The following ZNF454 variants were observed in gnomAD, a reference collection of about 807,000 sequenced individuals.
ZNF454 encodes zinc finger protein 454.
ZNF454 carries 30 observed loss-of-function variants against 48.2 expected under a neutral mutation model. The ratio of observed to expected loss-of-function variants is 0.62; its 90% CI spans 0.47 to 0.84. ZNF454 has a LOEUF of 0.84. ZNF454 is among the 40% of genes least tolerant of loss of function. The probability of loss-of-function intolerance (pLI) is 0.00; values close to 1 mark genes in which losing one functional copy is unlikely to be tolerated. For synonymous variants in ZNF454, 204 were observed against 211.4 expected, an observed-to-expected ratio of 0.97 and a Z score of 0.30; for missense variants, 510 against 623.1, an observed-to-expected ratio of 0.82 and a Z score of 1.93.
At chr5:178,986,070 T>C in the ZNF454 span, 2 of 1,515,430 alleles carry the variant, frequency 1.3e-6, no homozygotes, top group Non-Finnish European at 1.8e-6. Flanking sequence ...CCCTTTTGGC[T>C]TTGTAACGTT....
the ZNF454 span, chr5:178,987,443 C>CGGG: frequency 2.2e-6 from 1 of 457,600 alleles, no homozygotes; most frequent in Non-Finnish European, 4.4e-6. Context: ...ACGAACACGA[C>CGGG]GGGGCCATTC....
the ZNF454 span, chr5:178,981,182 TG>T: frequency 5.6e-6 from 1 of 179,796 alleles, no homozygotes; most frequent in Admixed American, 5.4e-5. This position sits in a 1 kb window ranked among gnomAD's most constrained non-coding sequence, Gnocchi z 5.1. Context: ...TCCATCCAGA[TG>T]CACAGCCCCA....
chr5:178,955,159 C>T (rs1759697930), intron 4 of ZNF454, among the ~76,000 whole-genome samples: 1 of 152,272 alleles, frequency 6.6e-6, no homozygotes, highest in Non-Finnish European at 1.5e-5. Flanking sequence ...AGCAACCATT[C>T]CATTCTGTAT....
At chr5:178,953,853 A>T (rs1759645228) in intron 4 of ZNF454, among the ~76,000 whole-genome samples, 1 of 152,084 alleles carries the variant, frequency 6.6e-6, no homozygotes, top group South Asian at 2.1e-4. Context: ...AGATTTTCTC[A>T]TTTACTCCAG....
At chr5:178,959,862 C>T (rs1488790858) in intron 4 of ZNF454, among the ~76,000 whole-genome samples, 1 of 151,800 alleles carries the variant, frequency 6.6e-6, no homozygotes, top group Non-Finnish European at 1.5e-5. Context: ...GCCTCGGCCT[C>T]CCAAAGTGCT....
chr5:178,986,249 G>A, the ZNF454 span: 1 of 1,614,196 alleles, frequency 6.2e-7, no homozygotes, highest in Non-Finnish European at 8.5e-7. Flanking sequence ...GTCTTGGTGA[G>A]CAGGGCAGAG....
chr5:178,945,413 C>T (rs1218135875), intron 2 of ZNF454, among the ~76,000 whole-genome samples: 15 of 127,274 alleles, frequency 1.2e-4, no homozygotes, highest in Non-Finnish European at 1.9e-4. Context: ...GTGAGGGGTA[C>T]GGATATGGGT....
chr5:178,985,485 C>T, the ZNF454 span: 569 of 341,502 alleles, frequency 1.7e-3, 5 homozygotes, highest in South Asian at 6.9e-3. Context: ...GGGCGGATCA[C>T]GAGGTCAGGA....
intron 4 of ZNF454, among the ~76,000 whole-genome samples, chr5:178,951,257 G>A (rs568560986): frequency 3.4e-4 from 52 of 152,046 alleles, no homozygotes; most frequent in Middle Eastern, 6.8e-3. Flanking sequence ...TTTGAATATC[G>A]TACATCATGT....
chr5:178,962,387 G>C (rs1170822997), intron 4 of ZNF454, among the ~76,000 whole-genome samples: 1 of 150,730 alleles, frequency 6.6e-6, no homozygotes, highest in African/African-American at 2.4e-5. Context: ...CCTTCTCAGA[G>C]TTCATTTTTC....
chr5:178,976,781 T>G, the ZNF454 span, among the ~76,000 whole-genome samples: 4 of 152,314 alleles, frequency 2.6e-5, no homozygotes, highest in East Asian at 1.9e-4. Flanking sequence ...ACACAGGGCA[T>G]GGGCAAGACA....
chr5:178,986,484 G>C, the ZNF454 span: 1 of 1,610,918 alleles, frequency 6.2e-7, no homozygotes, highest in Non-Finnish European at 8.5e-7. Flanking sequence ...CGGCCAGGAG[G>C]AGCGGCGGGG....
At position 178,965,676 on chromosome 5, in the gene ZNF454, A is replaced by G. The variant is rs763622884; in HGVS notation, c.1272A>G (p.Gln424=). The G allele has an allele frequency of 4.3e-6, 7 of 1,614,050 alleles. No individual in the cohort carries two copies. The East Asian group carries it at 1.3e-4, about 31-fold the overall frequency. Residue 424 remains glutamine (Q), a synonymous_variant, in exon 5 of 5, where the codon CAA becomes CAG. Coordinates refer to ENST00000519564, the MANE Select transcript of ZNF454 (RefSeq NM_001178089.3). The surrounding 1 kb of genome is among the most constrained non-coding windows in gnomAD (Gnocchi z 5.2). ...TGTGTGAGAAAGCCTTTCGGGACCA[A>G]TCAGCACTAGCCCAACATCAGAGAA... ...CGLCEKAFRD[Q]SALAQHQRIH...
intron 4 of ZNF454, among the ~76,000 whole-genome samples, chr5:178,957,659 G>T (rs1015556167): frequency 6.6e-6 from 1 of 152,072 alleles, no homozygotes; most frequent in African/African-American, 2.4e-5. Context: ...GTAGGTAGGG[G>T]TAGGTCTCCT....
In ZNF454 at chr5:178,960,025, G is replaced by A. The variant is rs557017140; in HGVS notation, c.251-4630G>A. ...GTGCAGTGGTGTGATCATTGTTCAT[G>A]GCAACCTTGAACTCCTGGGCTTATG... On this transcript the variant is annotated intron_variant, in intron 4 of 4. Transcript: ENST00000519564. Among the ~76,000 whole-genome samples, 158 of 136,080 alleles carry A rather than the reference G, an allele frequency of 1.2e-3. 2 individuals are homozygous for A. Among genetic ancestry groups the A allele is most frequent in the African/African-American group, 4.1e-3 (150 of 36,174 alleles). 89.3% of individuals were successfully genotyped at this position (136,080 alleles called of 152,430 possible). A position where few individuals can be genotyped will look rare whatever the true frequency, so the allele number is the denominator to read the frequency against.
chr5:178,942,199 T>A (rs543837652), intron 1 of ZNF454, among the ~76,000 whole-genome samples: 2 of 152,028 alleles, frequency 1.3e-5, no homozygotes. Flanking sequence ...AGGTCCGGAG[T>A]TCGAGACCAG....
chr5:178,979,540 G>A, the ZNF454 span: 3 of 152,236 alleles, frequency 2.0e-5, no homozygotes, highest in Non-Finnish European at 4.4e-5. Context: ...CCACAGGCAT[G>A]AACATGGCAG....
At chr5:178,956,548 C>A (rs980540044) in intron 4 of ZNF454, among the ~76,000 whole-genome samples, 43 of 146,450 alleles carry the variant, frequency 2.9e-4, no homozygotes, top group Non-Finnish European at 2.7e-4. Context: ...AGCCTCAAGT[C>A]TTTTGCCACA....
chr5:178,983,138 C>G, the ZNF454 span: 1 of 1,613,990 alleles, frequency 6.2e-7, no homozygotes, highest in Non-Finnish European at 8.5e-7. Context: ...CTCTGGCCTG[C>G]TCGGGGTCCA....
Sources: gnomAD v4.1 joint callset for allele counts (sites outside exome capture counted in the v4.1 genomes callset) on GRCh38, gnomAD v4.1.1 for gene constraint, Gnocchi (gnomAD v3.1) non-coding constraint, MANE v1.5 for transcripts, NCBI Gene and HGNC (gene_info 2026-07-23, HGNC 2026-07-21) for gene names.